PTPRZ1: variants seen among roughly 807,000 people sequenced by gnomAD.
PTPRZ1 encodes the protein receptor-type tyrosine-protein phosphatase zeta.
PTPRZ1 carries 82 observed loss-of-function variants against 214.1 expected under a neutral mutation model. The ratio of observed to expected loss-of-function variants is 0.38; its 90% CI spans 0.32 to 0.46. The LOEUF is 0.46. Ranked by LOEUF, PTPRZ1 falls within the 20% of genes least tolerant of loss-of-function variation. The pLI, the probability that PTPRZ1 is intolerant of heterozygous loss-of-function variation, is 1.00. For synonymous variants in PTPRZ1, 945 were observed against 987.9 expected (o/e 0.96, Z 0.81); for missense variants, 2,603 against 2,748.7 (o/e 0.95, Z 1.19).
intron 15 of PTPRZ1, among the ~76,000 whole-genome samples, chr7:122,033,024 A>G (rs1021982687): frequency 6.6e-6 from 1 of 152,100 alleles, no homozygotes; most frequent in African/African-American, 2.4e-5. Context: ...AATTACTGAC[A>G]ACATATACAA....
intron 26 of PTPRZ1, 31 bp downstream of exon 26, chr7:122,054,069 C>T (rs1182230159): frequency 6.2e-7 from 1 of 1,608,510 alleles, no homozygotes; most frequent in Non-Finnish European, 8.5e-7. Context: ...TTGGGACTTC[C>T]TTTACAGAGG....
At chr7:122,045,607 A>G (rs1269885590) in intron 23 of PTPRZ1, among the ~76,000 whole-genome samples, 1 of 151,764 alleles carries the variant, frequency 6.6e-6, no homozygotes, top group Non-Finnish European at 1.5e-5. Context: ...GGAAAAGAGT[A>G]TGCAGTTGGT....
chr7:121,912,149 T>A (rs1385625930), intron 1 of PTPRZ1, among the ~76,000 whole-genome samples: 1 of 152,112 alleles, frequency 6.6e-6, no homozygotes. Flanking sequence ...GCCCAGTAAA[T>A]CCTAGAGGGA....
At chr7:122,006,050 A>G (rs1420098991) in intron 11 of PTPRZ1, among the ~76,000 whole-genome samples, 3 of 152,124 alleles carry the variant, frequency 2.0e-5, no homozygotes, top group African/African-American at 7.2e-5. Context: ...AAATTTCTAC[A>G]TAAAACTATA....
intron 1 of PTPRZ1, among the ~76,000 whole-genome samples, chr7:121,874,831 C>T (rs1301556346): frequency 6.6e-6 from 1 of 152,106 alleles, no homozygotes; most frequent in African/African-American, 2.4e-5. Context: ...ATAGTCAGTT[C>T]TGGAGAGGGG....
chr7:122,035,074 TC>T (rs1386305357), intron 17 of PTPRZ1, among the ~76,000 whole-genome samples: 1 of 152,078 alleles, frequency 6.6e-6, no homozygotes, highest in Non-Finnish European at 1.5e-5. Flanking sequence ...CCCTCCCCAC[TC>T]CAAAAACAAA....
intron 8 of PTPRZ1, among the ~76,000 whole-genome samples, chr7:121,993,925 T>C (rs192001180): frequency 6.6e-6 from 1 of 152,314 alleles, no homozygotes; most frequent in Admixed American, 6.5e-5. Flanking sequence ...CATACAACTA[T>C]ATTGTTGATT....
At chr7:121,890,318 A>T (rs1358749425) in intron 1 of PTPRZ1, among the ~76,000 whole-genome samples, 1 of 152,148 alleles carries the variant, frequency 6.6e-6, no homozygotes, top group African/African-American at 2.4e-5. Context: ...TAGGACAAAA[A>T]CCTTGGAGCC....
chr7:122,010,636 T>G lies in PTPRZ1; in HGVS notation c.1590T>G (p.Thr530=). ...CTGTGACTGAACTGCCACCTCACAC[T>G]GTGGAAGGTACTTCAGCCTCTTTAA... ...SQTVTELPPH[T]VEGTSASLND... Residue 530 remains threonine, a synonymous_variant, in exon 12 of 30, where the codon ACT becomes ACG. Coordinates refer to ENST00000393386, the MANE Select transcript of PTPRZ1 (RefSeq NM_002851.3). 7 of 1,613,504 alleles carry G rather than the reference T, an allele frequency of 4.3e-6. No individual in the cohort carries two copies. In the African/African-American group the frequency reaches 5.3e-5, roughly 12 times the overall value.
intron 29 of PTPRZ1, among the ~76,000 whole-genome samples, chr7:122,060,407 T>C (rs964988459): frequency 2.6e-5 from 4 of 152,222 alleles, no homozygotes; most frequent in Non-Finnish European, 4.4e-5. Context: ...GTAGGCCTCA[T>C]GGTTTTCGGC....
intron 1 of PTPRZ1, among the ~76,000 whole-genome samples, chr7:121,906,167 G>C (rs1795109501): frequency 6.6e-6 from 1 of 152,100 alleles, no homozygotes; most frequent in African/African-American, 2.4e-5. Context: ...GTTTTAAAAG[G>C]TCTCTACCTC....
intron 1 of PTPRZ1, among the ~76,000 whole-genome samples, chr7:121,924,718 T>C (rs1372080067): frequency 6.6e-6 from 1 of 152,184 alleles, no homozygotes; most frequent in Admixed American, 6.5e-5. Context: ...ATACAGGTTT[T>C]GCATGGTATC....
intron 29 of PTPRZ1, 147 bp from the exon 30 acceptor site, chr7:122,060,933 G>T (rs1792555234): frequency 1.8e-6 from 1 of 567,788 alleles, no homozygotes; most frequent in Admixed American, 4.1e-5. Context: ...AGTATAGGTT[G>T]TGTGCATCTG....
chr7:121,945,971 G>A (rs537135253), intron 2 of PTPRZ1, among the ~76,000 whole-genome samples: 4 of 152,122 alleles, frequency 2.6e-5, no homozygotes, highest in Admixed American at 2.0e-4. Context: ...GAATTCAGTA[G>A]GCACCATTCC....
rs180837599 is a variant in PTPRZ1 at position 122,020,237 on chromosome 7, G to A, written c.4988+969G>A. 2.4e-4 allele frequency among the ~76,000 whole-genome samples: 36 copies of A among 151,946 alleles called. No homozygotes were observed. The East Asian group carries it at 3.5e-3, about 15-fold the overall frequency. On this transcript the variant is annotated intron_variant, in intron 13 of 29. Coordinates refer to ENST00000393386, the MANE Select transcript of PTPRZ1 (RefSeq NM_002851.3). ...ATACCTAGTACTGTGTTAACCATCA[G>A]GAAATATCAAAAATGAACAAATGAA...
intron 23 of PTPRZ1, among the ~76,000 whole-genome samples, chr7:122,049,267 G>T (rs1792097640): frequency 6.6e-6 from 1 of 152,016 alleles, no homozygotes; most frequent in Non-Finnish European, 1.5e-5. Context: ...AATGCTCATA[G>T]TAGATTCCAG....
chr7:121,921,379 C>G (rs1795592872), intron 1 of PTPRZ1, among the ~76,000 whole-genome samples: 1 of 152,096 alleles, frequency 6.6e-6, no homozygotes, highest in Non-Finnish European at 1.5e-5. Flanking sequence ...CTCCTTGGTC[C>G]TGTGAGACAT....
intron 13 of PTPRZ1, among the ~76,000 whole-genome samples, chr7:122,026,349 A>G (rs1799206762): frequency 6.6e-6 from 1 of 152,192 alleles, no homozygotes; most frequent in Admixed American, 6.5e-5. Context: ...AAAACATTTC[A>G]CCAGCTTGTA....
chr7:121,897,782 G>A (rs143716156), intron 1 of PTPRZ1, among the ~76,000 whole-genome samples: 35 of 152,276 alleles, frequency 2.3e-4, no homozygotes, highest in African/African-American at 7.9e-4. Context: ...GGCTCCATGG[G>A]CAGAGTGAGT....
Sources: gnomAD v4.1 joint callset for allele counts (sites outside exome capture counted in the v4.1 genomes callset) on GRCh38, gnomAD v4.1.1 for gene constraint, MANE v1.5 for transcripts, NCBI Gene and HGNC (gene_info 2026-07-23, HGNC 2026-07-21) for gene names.